The following NLGN1 variants were observed in gnomAD, a reference collection of about 807,000 sequenced individuals.
NLGN1 encodes the protein neuroligin-1.
Under a neutral mutation model 65.5 loss-of-function variants are expected in NLGN1, and 12 were observed. The ratio of observed to expected loss-of-function variants is 0.18; its 90% confidence interval spans 0.12 to 0.30. NLGN1 has a LOEUF of 0.30. Ranked by LOEUF, NLGN1 falls within the 10% of genes least tolerant of loss-of-function variation. The pLI is 1.00. For missense variants in NLGN1, 750 were observed against 1,007.1 expected (o/e 0.74, Z 3.46); for synonymous variants, 350 against 359.5 (o/e 0.97, Z 0.30).
At position 173,522,654 on chromosome 3, in the gene NLGN1, C is replaced by T. The variant is rs945611332; in HGVS notation, c.-320-81625C>T. Among the ~76,000 whole-genome samples the T allele has an allele frequency of 1.2e-4, 19 of 152,208 alleles. 1 individual carries two copies. In the South Asian group the frequency reaches 1.7e-3, roughly 13 times the overall value. On this transcript the variant is annotated intron_variant, in intron 2 of 6. Coordinates refer to ENST00000457714, the Ensembl canonical transcript of NLGN1. ...TTCACCATGTTAGCCAGGATGGTCT[C>T]GATCTCCTGACCTAGTGATCCACCC...
rs968237053 is a variant in NLGN1, at chr3:174,136,617, T to G, written c.647-138698T>G. On this transcript the variant is annotated intron_variant, in intron 4 of 6. Transcript: ENST00000457714. ...ATATTGTTTTCTTGACTCTGTTCAT[T>G]AGGTTCAGGGTAAGCAACTCTATTT... 4 of 152,206 alleles carry G rather than the reference T, an allele frequency of 2.6e-5. No homozygotes were observed. In the East Asian group the frequency reaches 7.7e-4, roughly 29 times the overall value. 9.4% of individuals were successfully genotyped at this position (152,206 alleles called of 1,614,324 possible). A position where few individuals can be genotyped will look rare whatever the true frequency, so the allele number is the denominator to read the frequency against.
chr3:173,884,198 C>T (rs1733902985), intron 4 of NLGN1, among the ~76,000 whole-genome samples: 1 of 151,860 alleles, frequency 6.6e-6, no homozygotes, highest in Admixed American at 6.6e-5. Flanking sequence ...CAGTAATTGA[C>T]AAGAATTCTC....
intron 4 of NLGN1, among the ~76,000 whole-genome samples, chr3:173,857,020 TAA>T (rs59155869): frequency 0.012 from 1,709 of 139,802 alleles, 8 homozygotes; most frequent in Non-Finnish European, 0.018. Context: ...AGGCGTTAGA[TAA>T]AAAAAAAAAA....
intron 3 of NLGN1, among the ~76,000 whole-genome samples, chr3:173,788,833 TAAAAAAAAAAAAA>T (rs3979635): frequency 5.6e-5 from 3 of 53,486 alleles, no homozygotes; most frequent in Non-Finnish European, 1.1e-4. Flanking sequence ...AGACCTCATT[TAAAAAAAAAAAAA>T]AAAAAAAAAA....
intron 3 of NLGN1, among the ~76,000 whole-genome samples, chr3:173,751,642 G>A (rs541175451): frequency 6.6e-6 from 1 of 152,130 alleles, no homozygotes; most frequent in East Asian, 1.9e-4. Flanking sequence ...GTCTAGATAA[G>A]CAAATCAACA....
At position 173,615,751 on chromosome 3, in the gene NLGN1, T is replaced by G. The variant is rs1196217733; in HGVS notation, c.493+10660T>G. Among the ~76,000 whole-genome samples the G allele has an allele frequency of 1.9e-4, 29 of 151,900 alleles. 1 individual carries two copies. The South Asian group carries it at 5.8e-3, about 30-fold the overall frequency. On this transcript the variant is annotated intron_variant, in intron 3 of 6. Transcript: ENST00000457714. ...AAACTTTCCATCCATCTGTTTTTTT[T>G]TTTTTTTTTTAAAGCCTAAAGTGTA...
chr3:173,650,497 T>G (rs2149637564), intron 3 of NLGN1, among the ~76,000 whole-genome samples: 1 of 152,296 alleles, frequency 6.6e-6, no homozygotes, highest in African/African-American at 2.4e-5. Context: ...CTCCCGCCTA[T>G]GTATGTATTG....
chr3:173,594,874 A>G (rs1212364705), intron 2 of NLGN1, among the ~76,000 whole-genome samples: 3 of 152,226 alleles, frequency 2.0e-5, no homozygotes, highest in South Asian at 4.1e-4. Context: ...CTCTGAAGCC[A>G]TAGGCTGAGC....
chr3:174,166,769 T>C (rs1427121510), intron 4 of NLGN1, among the ~76,000 whole-genome samples: 2 of 152,146 alleles, frequency 1.3e-5, no homozygotes, highest in Non-Finnish European at 1.5e-5. Context: ...TTTCTAATGC[T>C]GTCAGTGGGG....
chr3:173,677,126 C>T (rs1763271681), intron 3 of NLGN1, among the ~76,000 whole-genome samples: 1 of 151,872 alleles, frequency 6.6e-6, no homozygotes, highest in Non-Finnish European at 1.5e-5. Context: ...AGTGCTTCAA[C>T]AAGGACCAGG....
chr3:174,185,255 T>G (rs1337384135), intron 4 of NLGN1, among the ~76,000 whole-genome samples: 1 of 152,116 alleles, frequency 6.6e-6, no homozygotes. Context: ...TATCAATAAT[T>G]GCATGTAATC....
chr3:173,474,539 A>C (rs890969643), intron 2 of NLGN1, among the ~76,000 whole-genome samples: 8 of 152,222 alleles, frequency 5.3e-5, no homozygotes, highest in African/African-American at 1.9e-4. Flanking sequence ...AAACCTGAGA[A>C]TCACTTGCCT....
chr3:174,042,701 A>C lies in NLGN1; in HGVS notation c.647-232614A>C, dbSNP rs567012264. On this transcript the variant is annotated intron_variant, in intron 4 of 6. Transcript: ENST00000457714. ...CTGTTTTATTTCATTTGTAAACTCTATTAAATAAACTTTTTTAAAAATAAA... is the reference window on the plus strand; with the variant it reads ...CTGTTTTATTTCATTTGTAAACTCTCTTAAATAAACTTTTTTAAAAATAAA... 2.1e-4 allele frequency among the ~76,000 whole-genome samples: 32 copies of C among 152,322 alleles called. No individual in the cohort carries two copies. In the East Asian group the frequency reaches 5.6e-3, roughly 27 times the overall value.
intron 2 of NLGN1, among the ~76,000 whole-genome samples, chr3:173,447,510 C>T (rs1720598032): frequency 6.6e-6 from 1 of 152,178 alleles, no homozygotes; most frequent in Admixed American, 6.5e-5. Flanking sequence ...ATGCCTCCAG[C>T]TTTGTTCTTT....
intron 4 of NLGN1, among the ~76,000 whole-genome samples, chr3:174,274,365 G>A (rs935366819): frequency 6.6e-6 from 1 of 151,858 alleles, no homozygotes; most frequent in African/African-American, 2.4e-5. Context: ...ATATTGCTAA[G>A]TAATATGTTT....
At chr3:173,565,517 T>C (rs553574403) in intron 2 of NLGN1, among the ~76,000 whole-genome samples, 17 of 152,268 alleles carry the variant, frequency 1.1e-4, no homozygotes, top group Admixed American at 1.0e-3. Flanking sequence ...ATATATCTAC[T>C]TCTAATAATT....
At chr3:174,064,452 G>A (rs980077815) in intron 4 of NLGN1, among the ~76,000 whole-genome samples, 1 of 151,684 alleles carries the variant, frequency 6.6e-6, no homozygotes, top group Non-Finnish European at 1.5e-5. Flanking sequence ...TAATAGTTTG[G>A]GTTTGAATCT....
At chr3:173,700,298 CA>C (rs1415072931) in intron 3 of NLGN1, among the ~76,000 whole-genome samples, 4 of 152,114 alleles carry the variant, frequency 2.6e-5, no homozygotes, top group African/African-American at 7.2e-5. Flanking sequence ...ATTTTGAAAG[CA>C]ATCAAAAGAG....
chr3:174,105,013 A>C (rs1303866508), intron 4 of NLGN1, among the ~76,000 whole-genome samples: 1 of 152,174 alleles, frequency 6.6e-6, no homozygotes. Context: ...CTCAGATTAT[A>C]ACTAGCAGCA....
Sources: allele counts gnomAD v4.1 joint callset (sites outside exome capture counted in the v4.1 genomes callset), GRCh38; gene constraint gnomAD v4.1.1; transcripts MANE v1.5; gene names NCBI Gene and HGNC (gene_info 2026-07-23, HGNC 2026-07-21).